SMIM22: variants seen among roughly 807,000 people sequenced by gnomAD.
SMIM22 encodes the protein small integral membrane protein 22, also known as cancer associated small integral membrane open reading frame 1.
Under a neutral mutation model 8.4 loss-of-function variants are expected in SMIM22, and 16 were observed. That is an observed-to-expected ratio of 1.90 (90% confidence interval 1.29 to 2.89). SMIM22 has a LOEUF of 2.89. Ranked by LOEUF, SMIM22 falls within the 30% of genes most tolerant of loss-of-function variation. The pLI, the probability that SMIM22 is intolerant of heterozygous loss-of-function variation, is 0.00. For missense variants in SMIM22, 159 were observed against 107.5 expected, an observed-to-expected ratio of 1.48 and a Z score of -2.12; for synonymous variants, 67 against 47.6, an observed-to-expected ratio of 1.41 and a Z score of -1.68.
upstream of SMIM22, among the ~76,000 whole-genome samples, chr16:4,791,123 G>A (rs1242104367): frequency 1.3e-5 from 2 of 152,222 alleles, no homozygotes; most frequent in Non-Finnish European, 2.9e-5. Context: ...ACTTTCTCCA[G>A]GAAAATCCTC....
chr16:4,793,326 G>T (rs1332178614), upstream of SMIM22, among the ~76,000 whole-genome samples: 3 of 152,112 alleles, frequency 2.0e-5, no homozygotes, highest in Non-Finnish European at 4.4e-5. Flanking sequence ...CAGAACCATA[G>T]GGCAATACAT....
intron 2 of SMIM22, chr16:4,789,954 A>C: frequency 7.0e-6 from 1 of 142,902 alleles, no homozygotes; most frequent in Non-Finnish European, 1.5e-5. Flanking sequence ...TCACTTTGTC[A>C]CCCAAGTTGG....
At chr16:4,795,653 G>C (rs2082625905) in intron 1 of SMIM22, 62 bp from the exon 2 acceptor site, 5 of 1,497,228 alleles carry the variant, frequency 3.3e-6, no homozygotes, top group African/African-American at 2.8e-5. Flanking sequence ...TGGGAAGCCT[G>C]GATGTGGTCC....
chr16:4,796,096 G>C, intron 3 of SMIM22, 48 bp downstream of exon 3: 1 of 1,535,564 alleles, frequency 6.5e-7, no homozygotes, highest in Non-Finnish European at 8.7e-7. Flanking sequence ...TACTGGGGGT[G>C]GAGGCGGAAG....
chr16:4,792,966 G>A (rs1475215636), upstream of SMIM22, among the ~76,000 whole-genome samples: 3 of 151,984 alleles, frequency 2.0e-5, no homozygotes, highest in Non-Finnish European at 4.4e-5. Context: ...AAAGTTAGCT[G>A]GGCGTGGTGG....
chr16:4,791,288 G>A (rs2082547175), upstream of SMIM22, among the ~76,000 whole-genome samples: 1 of 152,132 alleles, frequency 6.6e-6, no homozygotes, highest in South Asian at 2.1e-4. Flanking sequence ...GTGTTGACTG[G>A]CAAAAGCCAG....
intron 2 of SMIM22, among the ~76,000 whole-genome samples, chr16:4,789,082 G>C (rs190045999): frequency 1.3e-5 from 2 of 152,292 alleles, no homozygotes; most frequent in Admixed American, 6.5e-5. Context: ...GCAGTGGCGC[G>C]ATCTCGGCTC....
In SMIM22 at chr16:4,795,952, C is replaced by G. The variant is rs377225414; in HGVS notation, c.129C>G (p.Thr43=). 6.6e-7 allele frequency: 1 copy of G among 1,506,290 alleles called. No individual in the cohort carries two copies. The highest frequency in any genetic ancestry group is 8.8e-7 in the Non-Finnish European group (1 of 1,130,866). The allele number at this position is 1,506,290 out of a possible 1,614,324, so 93.3% of individuals were successfully genotyped here. A position where few individuals can be genotyped will look rare whatever the true frequency, so the allele number is the denominator to read the frequency against. Residue 43 remains threonine, a synonymous_variant, in exon 3 of 4, where the codon ACC becomes ACG. Transcript: ENST00000586005. The part of the protein sequence containing the change: ...AFIVFLTFMG[T]VLLLLLLVVA... ...GGACGCCTGTCCTGTCCCCAGGCAC[C>G]GTGCTGCTCCTGCTGCTGCTGGTCG... is the stretch of plus-strand genomic sequence containing the variant.
rs1596270794 is a variant in SMIM22, at chr16:4,795,468, G to C, written c.-21+19G>C. 3 of 417,152 alleles carry C rather than the reference G, an allele frequency of 7.2e-6. No individual in the cohort carries two copies. The highest frequency in any genetic ancestry group is 1.3e-5 in the Non-Finnish European group (3 of 237,122). 25.8% of individuals were successfully genotyped at this position (417,152 alleles called of 1,614,324 possible). ...CTAGGAGGTAGGTGGGGGCCTGGGGGCTGGGCTGCCAGGGGGAGAGAGAGG... is the reference window on the plus strand; with the variant it reads ...CTAGGAGGTAGGTGGGGGCCTGGGGCCTGGGCTGCCAGGGGGAGAGAGAGG... On this transcript the variant is annotated intron_variant, in intron 1 of 3. Coordinates refer to ENST00000586005, the MANE Select transcript of SMIM22 (RefSeq NM_001253794.2).
upstream of SMIM22, among the ~76,000 whole-genome samples, chr16:4,791,659 G>A (rs1419770585): frequency 1.3e-5 from 2 of 152,046 alleles, no homozygotes; most frequent in African/African-American, 4.8e-5. Flanking sequence ...TTACTGTCCT[G>A]CCTGGGACTG....
rs373684954 is a variant in SMIM22, at chr16:4,796,177, G to A, written c.226-13G>A. The A allele has an allele frequency of 7.2e-6, 11 of 1,536,034 alleles. No individual in the cohort carries two copies. In the East Asian group the frequency reaches 1.2e-4, roughly 17 times the overall value. ...GAGCGAACCTGCTTGGTCCCGCTGT[G>A]CTTCTCGTGCAGGAAAGACCCAAGG... is the stretch of plus-strand genomic sequence containing the variant. On this transcript the variant is annotated splice_polypyrimidine_tract_variant and intron_variant, in intron 3 of 3. Transcript: ENST00000586005.
rs919756912 is a variant in SMIM22 at position 4,796,248 on chromosome 16, C to G, written c.*17C>G. 1 of 1,535,172 alleles carries G rather than the reference C, an allele frequency of 6.5e-7. No homozygotes were observed. The highest frequency in any genetic ancestry group is 8.7e-7 in the Non-Finnish European group (1 of 1,146,582). On this transcript the variant is annotated 3_prime_UTR_variant, in exon 4 of 4. Coordinates refer to ENST00000586005, the MANE Select transcript of SMIM22 (RefSeq NM_001253794.2). Reference sequence around the variant, plus strand: ...GAACCCTGACCCTGTGTCTCCTGCCCGGTGGCAGTAACAAAGCCTTCTGTC... The same window carrying G: ...GAACCCTGACCCTGTGTCTCCTGCCGGGTGGCAGTAACAAAGCCTTCTGTC...
intron 2 of SMIM22, among the ~76,000 whole-genome samples, chr16:4,788,954 A>G (rs1329276481): frequency 6.6e-6 from 1 of 152,198 alleles, no homozygotes; most frequent in African/African-American, 2.4e-5. Context: ...CTCTTTAAAT[A>G]GGCCATGTGC....
At chr16:4,789,160 G>A (rs138883091) in intron 2 of SMIM22, among the ~76,000 whole-genome samples, 13 of 151,426 alleles carry the variant, frequency 8.6e-5, no homozygotes, top group South Asian at 2.1e-4. Context: ...CTGGATTACC[G>A]GTGTGCACCA....
chr16:4,796,463 A>C lies in SMIM22; in HGVS notation c.*232A>C. 10 of 541,618 alleles carry C rather than the reference A, an allele frequency of 1.8e-5. No individual in the cohort carries two copies. Among genetic ancestry groups the C allele is most frequent in the East Asian group, 6.6e-5 (2 of 30,482 alleles). 33.6% of individuals were successfully genotyped at this position (541,618 alleles called of 1,614,324 possible). ...CCGGGCGCGGTGGCTCACACCTATA[A>C]TCCCAGCACTTTGGGAGGCCGAGGT... On this transcript the variant is annotated 3_prime_UTR_variant, in exon 4 of 4. Transcript: ENST00000586005.
upstream of SMIM22, among the ~76,000 whole-genome samples, chr16:4,793,865 C>G (rs1484381327): frequency 6.6e-6 from 1 of 152,160 alleles, no homozygotes; most frequent in Non-Finnish European, 1.5e-5. Context: ...CAGCCTCTGC[C>G]TCCTGGGTTC....
At chr16:4,793,867 C>G (rs967573338), upstream of SMIM22, among the ~76,000 whole-genome samples, 11 of 152,122 alleles carry the variant, frequency 7.2e-5, no homozygotes, top group African/African-American at 2.7e-4. Context: ...GCCTCTGCCT[C>G]CTGGGTTCAA....
intron 1 of SMIM22, 33 bp from the exon 2 acceptor site, chr16:4,795,682 G>C: frequency 6.5e-7 from 1 of 1,528,358 alleles, no homozygotes; most frequent in Non-Finnish European, 8.7e-7. Context: ...CTGAGCCCAG[G>C]ATCCTGATGC....
At chr16:4,792,399 C>T (rs1052921770), upstream of SMIM22, among the ~76,000 whole-genome samples, 3 of 150,254 alleles carry the variant, frequency 2.0e-5, no homozygotes, top group African/African-American at 7.3e-5. Flanking sequence ...ACCGTGTTAG[C>T]CAGGATGGTC....
Sources: gnomAD v4.1 joint callset for allele counts (sites outside exome capture counted in the v4.1 genomes callset) on GRCh38, gnomAD v4.1.1 for gene constraint, MANE v1.5 for transcripts, NCBI Gene and HGNC (gene_info 2026-07-23, HGNC 2026-07-21) for gene names.